Variants in PCDH7 observed in about 807,000 individuals in gnomAD.
PCDH7 encodes protocadherin-7.
Under a neutral mutation model 58.9 loss-of-function variants are expected in PCDH7, and 17 were observed. That is an observed-to-expected ratio of 0.29 (90% CI 0.20 to 0.43). The LOEUF (loss-of-function observed/expected upper bound fraction) is 0.43. Among genes scored for constraint, PCDH7 ranks in the 20% least tolerant of loss-of-function variants. The pLI, the probability that PCDH7 is intolerant of heterozygous loss-of-function variation, is 1.00. For missense variants in PCDH7, 1,274 were observed against 1,441.0 expected, an observed-to-expected ratio of 0.88 and a Z score of 1.88; for synonymous variants, 664 against 616.4, an observed-to-expected ratio of 1.08 and a Z score of -1.14.
At chr4:31,129,598 A>G (rs1157827474) in intron 3 of PCDH7, among the ~76,000 whole-genome samples, 4 of 152,126 alleles carry the variant, frequency 2.6e-5, no homozygotes, top group African/African-American at 4.8e-5. Flanking sequence ...AATTCCTAAA[A>G]TAATCATGAA....
intron 1 of PCDH7, among the ~76,000 whole-genome samples, chr4:30,897,354 G>C (rs1465531669): frequency 1.3e-5 from 2 of 151,956 alleles, no homozygotes; most frequent in Admixed American, 1.3e-4. Flanking sequence ...TAAATGCTAT[G>C]GTTTACTAAA....
intron 3 of PCDH7, among the ~76,000 whole-genome samples, chr4:31,093,104 G>A (rs959391718): frequency 6.6e-6 from 1 of 152,104 alleles, no homozygotes; most frequent in African/African-American, 2.4e-5. Context: ...GTGGTCCAGT[G>A]ATGGGCACAT....
chr4:30,801,772 A>G (rs528555525), intron 1 of PCDH7, among the ~76,000 whole-genome samples: 1 of 152,202 alleles, frequency 6.6e-6, no homozygotes, highest in Non-Finnish European at 1.5e-5. Flanking sequence ...CCAGCTCCAG[A>G]GGGTAGAAGT....
intron 3 of PCDH7, among the ~76,000 whole-genome samples, chr4:31,034,567 T>C (rs1755226837): frequency 6.6e-6 from 1 of 152,200 alleles, no homozygotes; most frequent in Non-Finnish European, 1.5e-5. Context: ...CAGATAAACA[T>C]CAGAATTTAG....
chr4:30,884,559 C>T (rs1207358875), intron 1 of PCDH7: 1 of 152,098 alleles, frequency 6.6e-6, no homozygotes, highest in Non-Finnish European at 1.5e-5. Context: ...GCTGACTGCC[C>T]TCTGATTTAT....
intron 1 of PCDH7, among the ~76,000 whole-genome samples, chr4:30,859,596 C>T (rs997194238): frequency 5.3e-5 from 8 of 151,832 alleles, no homozygotes; most frequent in Non-Finnish European, 1.0e-4. Flanking sequence ...CCCACCACAA[C>T]GCCCAGCTAA....
chr4:30,721,948 G>C lies in PCDH7; in HGVS notation c.526G>C (p.Gly176Arg). 6.4e-7 allele frequency: 1 copy of C among 1,551,880 alleles called. No individual in the cohort carries two copies. The highest frequency in any genetic ancestry group is 8.7e-7 in the Non-Finnish European group (1 of 1,155,284). ...CACCGACCGCGACTTCGGCCGCAAC[G>C]GCATCGAGCGCTACGAGCTGCTCCA... The change falls in exon 1 of 2, where the codon GGC becomes CGC. Residue 176 changes from glycine (G) to arginine (R), a missense_variant. This residue lies in a region of PCDH7 where 212 missense variants were observed against 255.8 expected (regional missense o/e 0.83). Transcript: ENST00000361762. The surrounding 1 kb of genome is among the most constrained non-coding windows in gnomAD (Gnocchi z 6.7).
chr4:30,980,158 A>G (rs886135956), intron 3 of PCDH7, among the ~76,000 whole-genome samples: 1 of 152,176 alleles, frequency 6.6e-6, no homozygotes, highest in Non-Finnish European at 1.5e-5. Flanking sequence ...TAGAGTGCCT[A>G]TATTCACTTC....
intron 3 of PCDH7, among the ~76,000 whole-genome samples, chr4:31,097,707 C>T (rs1276291054): frequency 7.0e-6 from 1 of 142,600 alleles, no homozygotes; most frequent in Non-Finnish European, 1.5e-5. Context: ...TGTTGTCTAC[C>T]TAATAAGCAA....
intron 3 of PCDH7, among the ~76,000 whole-genome samples, chr4:31,029,804 T>C (rs1754746976): frequency 1.3e-5 from 2 of 152,030 alleles, no homozygotes; most frequent in East Asian, 1.9e-4. Flanking sequence ...AGCTCTGGGT[T>C]GGGGTTCAGG....
At chr4:30,886,747 G>T (rs1204104319) in intron 1 of PCDH7, among the ~76,000 whole-genome samples, 1 of 151,486 alleles carries the variant, frequency 6.6e-6, no homozygotes, top group Non-Finnish European at 1.5e-5. Flanking sequence ...TGATAGACTG[G>T]ATTAAGAAAA....
At chr4:31,051,409 G>A (rs1410979985) in intron 3 of PCDH7, among the ~76,000 whole-genome samples, 1 of 152,152 alleles carries the variant, frequency 6.6e-6, no homozygotes, top group East Asian at 1.9e-4. Context: ...AAATAGAGCA[G>A]CAGAACTATA....
intron 3 of PCDH7, among the ~76,000 whole-genome samples, chr4:31,075,279 G>A (rs1758891267): frequency 6.6e-6 from 1 of 152,120 alleles, no homozygotes; most frequent in Non-Finnish European, 1.5e-5. Flanking sequence ...TTTTGGGGAT[G>A]ACATAGTGCT....
chr4:30,913,395 A>G (rs1192257274), intron 1 of PCDH7, among the ~76,000 whole-genome samples: 1 of 152,190 alleles, frequency 6.6e-6, no homozygotes, highest in African/African-American at 2.4e-5. Flanking sequence ...CTAGAGATTT[A>G]AAAATATGGA....
At chr4:31,013,536 C>T (rs867238052) in intron 3 of PCDH7, among the ~76,000 whole-genome samples, 2 of 148,846 alleles carry the variant, frequency 1.3e-5, no homozygotes, top group Non-Finnish European at 1.5e-5. Flanking sequence ...TGTAGACATA[C>T]TCTTTCATTA....
intron 3 of PCDH7, among the ~76,000 whole-genome samples, chr4:31,102,787 C>T (rs760990700): frequency 1.3e-5 from 2 of 151,958 alleles, no homozygotes; most frequent in Non-Finnish European, 1.5e-5. Flanking sequence ...GTACATGTAA[C>T]TTTTATTTCC....
At chr4:30,822,655 G>A (rs1008080030) in intron 1 of PCDH7, among the ~76,000 whole-genome samples, 10 of 151,832 alleles carry the variant, frequency 6.6e-5, no homozygotes, top group Admixed American at 1.3e-4. Flanking sequence ...CAAATACTGG[G>A]CTTTTAAACA....
chr4:30,979,161 C>T (rs956216065), intron 3 of PCDH7, among the ~76,000 whole-genome samples: 8 of 151,228 alleles, frequency 5.3e-5, no homozygotes, highest in Non-Finnish European at 1.2e-4. Context: ...CCTGTCTCTA[C>T]GAAAAATATA....
chr4:30,892,196 G>A (rs1738701862), intron 1 of PCDH7, among the ~76,000 whole-genome samples: 1 of 151,856 alleles, frequency 6.6e-6, no homozygotes. Flanking sequence ...AGACATTACT[G>A]ATATAATTTA....
Sources: gnomAD v4.1 joint callset for allele counts (sites outside exome capture counted in the v4.1 genomes callset) on GRCh38, gnomAD v4.1.1 for gene constraint, gnomAD v4.1.1 regional missense constraint, Gnocchi (gnomAD v3.1) non-coding constraint, MANE v1.5 for transcripts, NCBI Gene and HGNC (gene_info 2026-07-23, HGNC 2026-07-21) for gene names.